Variants in THSD7A observed in about 807,000 individuals in gnomAD.
THSD7A encodes thrombospondin type 1 domain containing 7A.
In THSD7A, 96 loss-of-function variants were observed where a neutral mutation model predicts 231.3. The observed-to-expected ratio is 0.41, with a 90% CI of 0.35 to 0.49. The LOEUF (loss-of-function observed/expected upper bound fraction) is 0.49, where lower values mean the gene tolerates loss of function less well. Among genes scored for constraint, THSD7A ranks in the 20% least tolerant of loss-of-function variants. The probability of loss-of-function intolerance (pLI) is 0.05; values close to 1 mark genes in which losing one functional copy is unlikely to be tolerated. For missense variants in THSD7A, 2,290 were observed against 2,070.2 expected (o/e 1.11, Z -2.06); for synonymous variants, 940 against 743.3 (o/e 1.26, Z -4.30).
At chr7:11,663,435 GA>G (rs1391059932) in intron 1 of THSD7A, among the ~76,000 whole-genome samples, 1 of 151,280 alleles carries the variant, frequency 6.6e-6, no homozygotes, top group Non-Finnish European at 1.5e-5. Context: ...TCCAAAGGGT[GA>G]AAAAAGCAGA....
chr7:11,395,539 C>CT (rs1365447968), intron 23 of THSD7A, among the ~76,000 whole-genome samples: 1 of 96,472 alleles, frequency 1.0e-5, no homozygotes, highest in Non-Finnish European at 2.3e-5. Context: ...TTTTTTTTTT[C>CT]TTTTTTGAGA....
chr7:11,512,365 A>G (rs1198471503), intron 6 of THSD7A, among the ~76,000 whole-genome samples: 3 of 152,160 alleles, frequency 2.0e-5, no homozygotes, highest in Admixed American at 1.3e-4. Flanking sequence ...ACCATTGTGG[A>G]AGTCAGTGTG....
rs377622211 is a variant in THSD7A at position 11,447,316 on chromosome 7, T to A, written c.2714A>T (p.Asp905Val). The change falls in exon 12 of 28, where the codon GAT (aspartate) becomes GTT (valine). Residue 905 changes from aspartate to valine, a missense_variant. Coordinates refer to ENST00000423059, the MANE Select transcript of THSD7A (RefSeq NM_015204.3). ...GGACCAGCTGGTCAATTGACAGTCA[T>A]CCTGGCAGGGGATCTGGCAGGCCTG... ...LTQACQIPCQ[D>V]DCQLTSWSKF... 3 of 1,612,866 alleles carry A rather than the reference T, an allele frequency of 1.9e-6. No individual in the cohort carries two copies. Among genetic ancestry groups the A allele is most frequent in the Non-Finnish European group, 2.5e-6 (3 of 1,179,426 alleles).
rs1326386975 is a variant in THSD7A, at chr7:11,634,332, A to G, written c.1022+1798T>C. The stretch of plus-strand genomic sequence containing the variant: ...TGGATGAGAATATTAGGCTCTATGC[A>G]ATGGTAGCTACTAACCTAATTACAC... On this transcript the variant is annotated intron_variant, in intron 2 of 27. Coordinates refer to ENST00000423059, the MANE Select transcript of THSD7A (RefSeq NM_015204.3). This position sits in a 1 kb window ranked among gnomAD's most constrained non-coding sequence, Gnocchi z 4.1. Among the ~76,000 whole-genome samples the G allele has an allele frequency of 1.3e-5, 2 of 152,158 alleles. No individual in the cohort carries two copies. The highest frequency in any genetic ancestry group is 6.5e-5 in the Admixed American group (1 of 15,270).
At chr7:11,484,004 G>A (rs1472797510) in intron 6 of THSD7A, among the ~76,000 whole-genome samples, 2 of 151,610 alleles carry the variant, frequency 1.3e-5, no homozygotes, top group African/African-American at 2.4e-5. Context: ...GCTTTTTTCC[G>A]CACTCCCCCT....
intron 1 of THSD7A, chr7:11,821,425 G>A (rs1583318297): frequency 6.6e-6 from 2 of 303,576 alleles, no homozygotes; most frequent in East Asian, 6.0e-5. Flanking sequence ...ATTTTTTTAG[G>A]CATATATAGT....
intron 1 of THSD7A, among the ~76,000 whole-genome samples, chr7:11,815,429 T>A (rs1160119416): frequency 6.6e-6 from 1 of 152,074 alleles, no homozygotes; most frequent in Non-Finnish European, 1.5e-5. Context: ...TTCACGGAAC[T>A]CATCAGGGAT....
At chr7:11,507,388 A>G (rs983354983) in intron 6 of THSD7A, among the ~76,000 whole-genome samples, 6 of 152,206 alleles carry the variant, frequency 3.9e-5, no homozygotes, top group Non-Finnish European at 4.4e-5. Flanking sequence ...ATATATTGTT[A>G]TAACAATATC....
chr7:11,559,714 G>A (rs1053761545), intron 4 of THSD7A, among the ~76,000 whole-genome samples: 5 of 151,880 alleles, frequency 3.3e-5, no homozygotes, highest in Non-Finnish European at 5.9e-5. Flanking sequence ...AACCACTAAC[G>A]GTCACATTAT....
At position 11,460,658 on chromosome 7, in the gene THSD7A, C is replaced by T. The variant is rs759098289; in HGVS notation, c.2605+4G>A. 1.4e-5 allele frequency: 23 copies of T among 1,603,746 alleles called. No homozygotes were observed. Among genetic ancestry groups the T allele is most frequent in the Non-Finnish European group, 1.8e-5 (21 of 1,175,128 alleles). ...GAAATGAACTGTGGAATGGGGCCTC[C>T]CACCTCTTGCCTGTCGCCCAGGCCC... On this transcript the variant is annotated splice_donor_region_variant and intron_variant, in intron 11 of 27. Coordinates refer to ENST00000423059, the MANE Select transcript of THSD7A (RefSeq NM_015204.3).
intron 1 of THSD7A, among the ~76,000 whole-genome samples, chr7:11,819,143 C>G (rs1002597920): frequency 4.6e-5 from 7 of 152,064 alleles, no homozygotes; most frequent in African/African-American, 1.7e-4. Context: ...AGATATGCAT[C>G]CATTAGAATG....
intron 7 of THSD7A, among the ~76,000 whole-genome samples, chr7:11,475,653 T>C (rs1196186777): frequency 6.7e-6 from 1 of 149,046 alleles, no homozygotes; most frequent in African/African-American, 2.4e-5. Context: ...ATGTAATGAA[T>C]CCTGCATTCT....
intron 2 of THSD7A, among the ~76,000 whole-genome samples, chr7:11,594,818 A>C (rs898689844): frequency 5.3e-5 from 8 of 152,206 alleles, no homozygotes; most frequent in Non-Finnish European, 1.2e-4. Context: ...AGCTCTTATC[A>C]TGTGAGTGGG....
intron 1 of THSD7A, among the ~76,000 whole-genome samples, chr7:11,826,465 A>C (rs373869063): frequency 2.6e-5 from 4 of 152,168 alleles, no homozygotes; most frequent in African/African-American, 9.7e-5. Flanking sequence ...TGACACTCTT[A>C]ATTTGGAATT....
intron 1 of THSD7A, among the ~76,000 whole-genome samples, chr7:11,720,646 G>A (rs1048455724): frequency 4.0e-5 from 6 of 151,498 alleles, no homozygotes; most frequent in Non-Finnish European, 8.8e-5. Context: ...TATCTATAAG[G>A]AACCTACCAT....
chr7:11,805,690 TG>T (rs1784382187), intron 1 of THSD7A, among the ~76,000 whole-genome samples: 1 of 152,074 alleles, frequency 6.6e-6, no homozygotes, highest in African/African-American at 2.4e-5. Flanking sequence ...AAGAAATACG[TG>T]ATTTCAACTT....
intron 6 of THSD7A, among the ~76,000 whole-genome samples, chr7:11,534,507 G>C (rs1438169752): frequency 2.0e-5 from 3 of 152,170 alleles, no homozygotes; most frequent in African/African-American, 7.2e-5. Flanking sequence ...CCAGATATGT[G>C]AGGGAGGACA....
intron 13 of THSD7A, among the ~76,000 whole-genome samples, chr7:11,435,822 C>T (rs1784615910): frequency 1.3e-5 from 2 of 151,948 alleles, no homozygotes; most frequent in Non-Finnish European, 2.9e-5. Context: ...TTGCAGCCAG[C>T]TTGTGAGAAG....
chr7:11,580,261 A>T (rs1791098367), intron 4 of THSD7A, among the ~76,000 whole-genome samples: 2 of 152,158 alleles, frequency 1.3e-5, no homozygotes, highest in Non-Finnish European at 2.9e-5. Flanking sequence ...CATGCAGGTG[A>T]TTCTTAAACT....
Sources: allele counts gnomAD v4.1 joint callset (sites outside exome capture counted in the v4.1 genomes callset), GRCh38; gene constraint gnomAD v4.1.1; non-coding constraint Gnocchi (gnomAD v3.1); transcripts MANE v1.5; gene names NCBI Gene and HGNC (gene_info 2026-07-23, HGNC 2026-07-21).